Variants in CRPPA observed in about 807,000 individuals in gnomAD.
The protein encoded by CRPPA is D-ribitol-5-phosphate cytidylyltransferase.
A neutral mutation model predicts 52.0 loss-of-function variants in CRPPA; 43 were observed. The ratio of observed to expected loss-of-function variants is 0.83; its 90% CI spans 0.65 to 1.07. The LOEUF (loss-of-function observed/expected upper bound fraction) is 1.07, where lower values mean the gene tolerates loss of function less well. CRPPA is among the 50% of genes least tolerant of loss of function. CRPPA has a pLI of 0.00. For synonymous variants in CRPPA, 250 were observed against 203.5 expected (o/e 1.23, Z -1.94); for missense variants, 629 against 551.7 (o/e 1.14, Z -1.40).
intron 9 of CRPPA, among the ~76,000 whole-genome samples, chr7:16,211,562 T>C (rs1238379172): frequency 6.6e-6 from 1 of 152,152 alleles, no homozygotes; most frequent in East Asian, 1.9e-4. Context: ...AAGTCTAACC[T>C]CACCCATGAT....
chr7:16,162,404 T>C (rs1780921267), intron 9 of CRPPA, among the ~76,000 whole-genome samples: 1 of 152,166 alleles, frequency 6.6e-6, no homozygotes, highest in Non-Finnish European at 1.5e-5. Context: ...TTCAAAGAAC[T>C]TACTGATTTC....
intron 9 of CRPPA, among the ~76,000 whole-genome samples, chr7:16,147,291 C>A (rs982382450): frequency 1.3e-5 from 2 of 152,134 alleles, no homozygotes; most frequent in African/African-American, 4.8e-5. Flanking sequence ...TTCAAAGATG[C>A]AAAATCCCTG....
chr7:16,190,569 T>G (rs1437659651), intron 9 of CRPPA, among the ~76,000 whole-genome samples: 2 of 152,174 alleles, frequency 1.3e-5, no homozygotes, highest in East Asian at 3.8e-4. Flanking sequence ...TTTTCAAAGA[T>G]CTCCCTTGTC....
chr7:16,331,145 G>A lies in CRPPA; in HGVS notation c.685-22518C>T, dbSNP rs996325919. On this transcript the variant is annotated intron_variant, in intron 3 of 9. Transcript: ENST00000407010. Reference sequence around the variant, plus strand: ...CTCCCGAGTAGGTGGGACTACAGGCGCACGCCACCATGCCCGGCTAATTTT... The same window carrying A: ...CTCCCGAGTAGGTGGGACTACAGGCACACGCCACCATGCCCGGCTAATTTT... 9.2e-5 allele frequency among the ~76,000 whole-genome samples: 14 copies of A among 152,096 alleles called. 1 individual carries two copies. The South Asian group carries it at 1.2e-3, about 14-fold the overall frequency.
At chr7:16,218,035 C>A (rs1461613480) in intron 8 of CRPPA, among the ~76,000 whole-genome samples, 1 of 151,704 alleles carries the variant, frequency 6.6e-6, no homozygotes. Flanking sequence ...TAAGGGCAGC[C>A]AGAGAGAAAG....
chr7:16,101,573 C>A (rs1367276586), intron 9 of CRPPA, among the ~76,000 whole-genome samples: 3 of 151,388 alleles, frequency 2.0e-5, no homozygotes, highest in Non-Finnish European at 4.4e-5. Context: ...AGTGGTCTAT[C>A]TAGTTTGTTA....
At chr7:16,171,442 T>A (rs56033714) in intron 9 of CRPPA, among the ~76,000 whole-genome samples, 1 of 152,134 alleles carries the variant, frequency 6.6e-6, no homozygotes, top group Middle Eastern at 3.4e-3. Flanking sequence ...AAAAGTATTT[T>A]CCAAGAAAAT....
In CRPPA at chr7:16,089,385, T is replaced by G. The variant is rs532275305; in HGVS notation, c.*2310A>C. On this transcript the variant is annotated 3_prime_UTR_variant, in exon 10 of 10. Coordinates refer to ENST00000407010, the MANE Select transcript of CRPPA (RefSeq NM_001101426.4). Reference sequence around the variant, plus strand: ...ATACATGCATGTACATATATACGTATATATGTATGTACATAATGTGTATAT... The same window carrying G: ...ATACATGCATGTACATATATACGTAGATATGTATGTACATAATGTGTATAT... 1 of 329,196 alleles carries G rather than the reference T, an allele frequency of 3.0e-6. No homozygotes were observed. The highest frequency in any genetic ancestry group is 6.6e-6 in the Non-Finnish European group (1 of 152,360). The allele number at this position is 329,196 out of a possible 1,614,324, so 20.4% of individuals were successfully genotyped here.
chr7:16,342,798 T>TAGGTAGATAGATAGATAG (rs1491461185), intron 3 of CRPPA, among the ~76,000 whole-genome samples: 1 of 101,254 alleles, frequency 9.9e-6, no homozygotes. Context: ...TATATATATA[T>TAGGTAGATAGATAGATAG]CTATATAGAT....
chr7:16,335,154 CAAAAAAAAAA>C (rs60632334), intron 3 of CRPPA, among the ~76,000 whole-genome samples: 19 of 93,790 alleles, frequency 2.0e-4, no homozygotes, highest in African/African-American at 8.2e-4. Flanking sequence ...CCCATCTCTA[CAAAAAAAAAA>C]AAAAAAAAAA....
chr7:16,371,466 A>G (rs1266939598), intron 3 of CRPPA, among the ~76,000 whole-genome samples: 1 of 152,086 alleles, frequency 6.6e-6, no homozygotes. Context: ...CTTCTCCCCT[A>G]AAAGCACCAA....
intron 5 of CRPPA, among the ~76,000 whole-genome samples, chr7:16,294,954 AAAAGTT>A (rs1784641290): frequency 6.6e-6 from 1 of 152,080 alleles, no homozygotes; most frequent in South Asian, 2.1e-4. Flanking sequence ...TTTTAAGTAA[AAAAGTT>A]AAAGGATCGC....
Position 16,149,233 on chromosome 7 carries a change from A to G in CRPPA, c.1252-57434T>C, listed in dbSNP as rs181587824. ...CAGATTCTATGGATCCCAGGAATCT[A>G]TATTTTAAAATACTTTTCAGAGGAG... is the stretch of plus-strand genomic sequence containing the variant. On this transcript the variant is annotated intron_variant, in intron 9 of 9. Coordinates refer to ENST00000407010, the MANE Select transcript of CRPPA (RefSeq NM_001101426.4). Among the ~76,000 whole-genome samples, 4 of 152,314 alleles carry G rather than the reference A, an allele frequency of 2.6e-5. No individual in the cohort carries two copies. The East Asian group carries it at 7.7e-4, about 29-fold the overall frequency.
chr7:16,416,152 T>C (rs1044008626), intron 1 of CRPPA, among the ~76,000 whole-genome samples: 6 of 152,124 alleles, frequency 3.9e-5, no homozygotes, highest in African/African-American at 1.4e-4. Context: ...TTTCAAACTA[T>C]ACTATAAGGC....
chr7:16,177,668 G>A (rs1397706500), intron 9 of CRPPA, among the ~76,000 whole-genome samples: 1 of 152,092 alleles, frequency 6.6e-6, no homozygotes, highest in Non-Finnish European at 1.5e-5. Flanking sequence ...TCTTGTTATA[G>A]TACTAAGAGC....
chr7:16,141,309 A>C (rs564237623), intron 9 of CRPPA, among the ~76,000 whole-genome samples: 1 of 152,356 alleles, frequency 6.6e-6, no homozygotes, highest in South Asian at 2.1e-4. Context: ...ACTAGGTTTT[A>C]ATATACACAT....
chr7:16,244,545 T>C (rs546743241), intron 8 of CRPPA, among the ~76,000 whole-genome samples: 2 of 152,192 alleles, frequency 1.3e-5, no homozygotes, highest in Non-Finnish European at 2.9e-5. Flanking sequence ...ATCAGTATTG[T>C]ATGCTGAAAC....
chr7:16,175,966 A>G (rs1781287699), intron 9 of CRPPA, among the ~76,000 whole-genome samples: 1 of 152,144 alleles, frequency 6.6e-6, no homozygotes, highest in Non-Finnish European at 1.5e-5. Context: ...GAATATCTAA[A>G]TGTAGCCTTA....
intron 6 of CRPPA, among the ~76,000 whole-genome samples, chr7:16,265,665 T>C (rs1024307398): frequency 6.6e-6 from 1 of 152,068 alleles, no homozygotes; most frequent in Non-Finnish European, 1.5e-5. Context: ...CTCTACTCAC[T>C]TCTTAACTTC....
Sources: allele counts gnomAD v4.1 joint callset (sites outside exome capture counted in the v4.1 genomes callset), GRCh38; gene constraint gnomAD v4.1.1; transcripts MANE v1.5; gene names NCBI Gene and HGNC (gene_info 2026-07-23, HGNC 2026-07-21).